The following ASAP3 variants were observed in gnomAD, a reference collection of about 807,000 sequenced individuals.
The protein encoded by ASAP3 is ArfGAP with SH3 domain, ankyrin repeat and PH domain 3.
ASAP3 carries 85 observed loss-of-function variants against 118.2 expected under a neutral mutation model. The observed-to-expected ratio is 0.72, with a 90% CI of 0.60 to 0.86. The LOEUF (loss-of-function observed/expected upper bound fraction) is 0.86, where lower values mean the gene tolerates loss of function less well. ASAP3 is among the 40% of genes least tolerant of loss of function. The pLI is 0.00. For missense variants in ASAP3, 1,026 were observed against 1,175.0 expected, an observed-to-expected ratio of 0.87 and a Z score of 1.85; for synonymous variants, 432 against 477.4, an observed-to-expected ratio of 0.90 and a Z score of 1.24.
chr1:23,480,894 G>A (rs554600622), intron 1 of ASAP3, among the ~76,000 whole-genome samples: 2 of 152,330 alleles, frequency 1.3e-5, no homozygotes, highest in African/African-American at 2.4e-5. Flanking sequence ...CATTTGCATG[G>A]TGCTTCATAA....
At chr1:23,434,470 G>A in intron 18 of ASAP3, 63 bp downstream of exon 18, 1 of 1,604,618 alleles carries the variant, frequency 6.2e-7, no homozygotes, top group Non-Finnish European at 8.5e-7. Flanking sequence ...AAGAGAATGG[G>A]AGAAGAGGAA....
At chr1:23,464,032 A>C (rs1641680412) in intron 1 of ASAP3, among the ~76,000 whole-genome samples, 1 of 152,000 alleles carries the variant, frequency 6.6e-6, no homozygotes, top group Non-Finnish European at 1.5e-5. Flanking sequence ...GTTTCCCATG[A>C]AACTGGATAG....
chr1:23,453,698 A>C (rs1282452998), intron 3 of ASAP3, among the ~76,000 whole-genome samples: 1 of 152,156 alleles, frequency 6.6e-6, no homozygotes, highest in East Asian at 1.9e-4. Flanking sequence ...CTCCTCCTCC[A>C]GGAAGTCTCT....
At chr1:23,434,758 C>T (rs1488587245) in intron 17 of ASAP3, 140 bp from the exon 18 acceptor site, 6 of 741,570 alleles carry the variant, frequency 8.1e-6, no homozygotes. Flanking sequence ...ACTGCAAGGG[C>T]AGAGCCTCAT....
At chr1:23,448,556 T>G (rs1480865120) in intron 5 of ASAP3, among the ~76,000 whole-genome samples, 2 of 151,948 alleles carry the variant, frequency 1.3e-5, no homozygotes, top group Non-Finnish European at 2.9e-5. Context: ...GCCTCCCAAG[T>G]AGCTGAGATT....
At chr1:23,479,988 ACATAGTGAAACCC>A (rs1414419118) in intron 1 of ASAP3, 1 of 152,126 alleles carries the variant, frequency 6.6e-6, no homozygotes, top group Non-Finnish European at 1.5e-5. Flanking sequence ...CAGCCGGGCA[ACATAGTGAAACCC>A]CAACCCTACA....
chr1:23,484,359 C>T, upstream of ASAP3: 1 of 363,786 alleles, frequency 2.7e-6, no homozygotes, highest in Non-Finnish European at 4.4e-6. Context: ...GCTCCGGCCC[C>T]GGTCCCGGCC....
At position 23,433,174 on chromosome 1, in the gene ASAP3, G is replaced by A. The variant is rs774387523; in HGVS notation, c.2226C>T (p.Ala742=). ...TYETVASLGA[A]TPQGESEDCP... ...AGTCCTCACTCTCGCCCTGAGGGGT[G>A]GCTGCTCCCAGGCTGGCGACAGTCT... is the stretch of plus-strand genomic sequence containing the variant. The change falls in exon 22 of 25, where the codon GCC becomes GCT. Residue 742 remains alanine (A), a synonymous_variant. Coordinates refer to ENST00000336689, the MANE Select transcript of ASAP3 (RefSeq NM_017707.4). The A allele has an allele frequency of 1.2e-6, 2 of 1,614,168 alleles. No homozygotes were observed. Among genetic ancestry groups the A allele is most frequent in the Admixed American group, 1.7e-5 (1 of 60,012 alleles).
chr1:23,455,816 C>G, intron 3 of ASAP3, 65 bp downstream of exon 3: 1 of 1,588,462 alleles, frequency 6.3e-7, no homozygotes. Flanking sequence ...GACCCTTTCC[C>G]AGTCAGGTTC....
chr1:23,436,618 C>T lies in ASAP3; in HGVS notation c.1513G>A (p.Val505Ile). The T allele has an allele frequency of 1.2e-6, 2 of 1,614,216 alleles. No individual in the cohort carries two copies. Among genetic ancestry groups the T allele is most frequent in the South Asian group, 1.1e-5 (1 of 91,090 alleles). The part of the protein sequence containing the change: ...LNMGNTSFNE[V>I]MEAQLPSHGG... ...TGTGAGGGTAGCTGGGCCTCCATGA[C>T]CTCATTGAAGCTCGTGTTTCCCATG... The change falls in exon 16 of 25, where the codon GTC becomes ATC. Residue 505 changes from valine (V) to isoleucine (I), a missense_variant. By Grantham distance (29) the Val-to-Ile change is conservative. Coordinates refer to ENST00000336689, the MANE Select transcript of ASAP3 (RefSeq NM_017707.4). The surrounding 1 kb of genome is among the most constrained non-coding windows in gnomAD (Gnocchi z 4.2).
intron 5 of ASAP3, among the ~76,000 whole-genome samples, chr1:23,448,807 G>A (rs539241389): frequency 1.3e-5 from 2 of 152,242 alleles, no homozygotes; most frequent in South Asian, 2.1e-4. Context: ...TAAAATTATA[G>A]CCCCATAAGG....
chr1:23,438,858 A>C lies in ASAP3; in HGVS notation c.1015-24T>G, dbSNP rs766259169. On this transcript the variant is annotated intron_variant, in intron 11 of 24. Coordinates refer to ENST00000336689, the MANE Select transcript of ASAP3 (RefSeq NM_017707.4). This position sits in a 1 kb window ranked among gnomAD's most constrained non-coding sequence, Gnocchi z 4.9. ...ATCTGTGGGAATTTAGGGGCGGAGGATGTATGCATTACCTCTGGCCCTCCA... is the reference window on the plus strand; with the variant it reads ...ATCTGTGGGAATTTAGGGGCGGAGGCTGTATGCATTACCTCTGGCCCTCCA... 6.2e-7 allele frequency: 1 copy of C among 1,608,854 alleles called. No homozygotes were observed. The highest frequency in any genetic ancestry group is 1.1e-5 in the South Asian group (1 of 90,956).
chr1:23,472,324 C>G (rs1260625265), intron 1 of ASAP3, among the ~76,000 whole-genome samples: 2 of 152,186 alleles, frequency 1.3e-5, no homozygotes, highest in Non-Finnish European at 2.9e-5. Flanking sequence ...TAGGTAGCCT[C>G]TCAGCAAATG....
intron 1 of ASAP3, chr1:23,480,294 AG>A (rs1642267544): frequency 6.6e-6 from 1 of 152,178 alleles, no homozygotes; most frequent in Non-Finnish European, 1.5e-5. Flanking sequence ...GACCTACTGG[AG>A]GGGGTGTGTC....
intron 1 of ASAP3, among the ~76,000 whole-genome samples, chr1:23,480,569 C>T (rs1177436604): frequency 6.6e-6 from 1 of 152,200 alleles, no homozygotes; most frequent in Non-Finnish European, 1.5e-5. Context: ...TCTGGGGACT[C>T]AGGACAAACT....
chr1:23,455,828 T>C, intron 3 of ASAP3, 53 bp downstream of exon 3: 1 of 1,604,128 alleles, frequency 6.2e-7, no homozygotes, highest in East Asian at 2.2e-5. Flanking sequence ...GTCAGGTTCT[T>C]AAGACCACTA....
intron 5 of ASAP3, among the ~76,000 whole-genome samples, chr1:23,447,841 A>G (rs1221387786): frequency 6.6e-6 from 1 of 152,234 alleles, no homozygotes; most frequent in Non-Finnish European, 1.5e-5. Flanking sequence ...CAGCTTTGAC[A>G]AAATGTACAC....
intron 5 of ASAP3, among the ~76,000 whole-genome samples, chr1:23,449,918 A>T (rs779403806): frequency 2.0e-5 from 3 of 152,242 alleles, no homozygotes; most frequent in Non-Finnish European, 2.9e-5. Context: ...CTAACGGCTT[A>T]GTTAAGGTAA....
At chr1:23,484,227 C>A (rs1382865441), upstream of ASAP3, 2 of 1,171,688 alleles carry the variant, frequency 1.7e-6, no homozygotes, top group Non-Finnish European at 1.1e-6. Context: ...GGGGCGCCGT[C>A]CCGGCCTCCA....
Sources: gnomAD v4.1 joint callset for allele counts (sites outside exome capture counted in the v4.1 genomes callset) on GRCh38, gnomAD v4.1.1 for gene constraint, Gnocchi (gnomAD v3.1) non-coding constraint, MANE v1.5 for transcripts, NCBI Gene and HGNC (gene_info 2026-07-23, HGNC 2026-07-21) for gene names.